Variants in STK38 observed in about 807,000 individuals in gnomAD.
STK38 encodes the protein serine/threonine kinase 38, also known as serine/threonine-protein kinase 38.
STK38 carries 26 observed loss-of-function variants against 59.0 expected under a neutral mutation model. The ratio of observed to expected loss-of-function variants is 0.44; its 90% CI spans 0.32 to 0.61. The LOEUF is 0.61. Ranked by LOEUF, STK38 falls within the 20% of genes least tolerant of loss-of-function variation. The pLI, the probability that STK38 is intolerant of heterozygous loss-of-function variation, is 0.04. For synonymous variants in STK38, 175 were observed against 176.6 expected, an observed-to-expected ratio of 0.99 and a Z score of 0.07; for missense variants, 433 against 566.0, an observed-to-expected ratio of 0.76 and a Z score of 2.38.
intron 9 of STK38, among the ~76,000 whole-genome samples, chr6:36,500,736 G>T (rs1258964059): frequency 7.1e-6 from 1 of 140,948 alleles, no homozygotes; most frequent in Non-Finnish European, 1.5e-5. Context: ...CTCCAGCCTG[G>T]CGACAGAGTG....
intron 5 of STK38, among the ~76,000 whole-genome samples, chr6:36,520,685 G>A (rs540742250): frequency 7.4e-4 from 113 of 152,206 alleles, no homozygotes; most frequent in African/African-American, 2.6e-3. Flanking sequence ...AAAGGTTGGC[G>A]TTAGCATAAA....
In STK38 at chr6:36,527,207, A is replaced by AATATATATAT. The variant is rs1554168829; in HGVS notation, c.132-1566_132-1565insATATATATAT. 6.6e-4 allele frequency among the ~76,000 whole-genome samples: 79 copies of AATATATATAT among 119,340 alleles called. 2 individuals are homozygous for AATATATATAT. In the East Asian group the frequency reaches 8.1e-3, roughly 12 times the overall value. The allele number at this position is 119,340 out of a possible 152,430, so 78.3% of individuals were successfully genotyped here. A position where few individuals can be genotyped will look rare whatever the true frequency, so the allele number is the denominator to read the frequency against. ...ACTCCGTCTCAAAAAAAAAAAAAAAAATATATGTATATATATATATATTTA... is the reference window on the plus strand; with the variant it reads ...ACTCCGTCTCAAAAAAAAAAAAAAAAATATATATATATATATGTATATATATATATATTTA... On this transcript the variant is annotated intron_variant, in intron 2 of 13. Coordinates refer to ENST00000229812, the MANE Select transcript of STK38 (RefSeq NM_007271.4).
At chr6:36,528,615 T>A (rs1006878368) in intron 2 of STK38, among the ~76,000 whole-genome samples, 2 of 152,230 alleles carry the variant, frequency 1.3e-5, no homozygotes, top group Non-Finnish European at 2.9e-5. Flanking sequence ...GAGAAAAGGC[T>A]GTACTCTTAG....
At position 36,507,507 on chromosome 6, in the gene STK38, A is replaced by G; in HGVS notation, c.765T>C (p.Ser255=). The G allele has an allele frequency of 1.9e-6, 3 of 1,613,952 alleles. No individual in the cohort carries two copies. The highest frequency in any genetic ancestry group is 2.5e-6 in the Non-Finnish European group (3 of 1,179,878). Residue 255 remains serine (S), a synonymous_variant, in exon 8 of 14, where the codon AGT becomes AGC. Coordinates refer to ENST00000229812, the MANE Select transcript of STK38 (RefSeq NM_007271.4). ...FYRNLNHSLP[S]DFTFQNMNSK... Reference sequence around the variant, plus strand: ...GTAATTGTTACCACTTACTGAAATCACTGGGGAGGCTGTGGTTCAGATTCC... The same window carrying G: ...GTAATTGTTACCACTTACTGAAATCGCTGGGGAGGCTGTGGTTCAGATTCC...
chr6:36,532,416 A>C (rs1197446332), intron 2 of STK38, among the ~76,000 whole-genome samples: 1 of 152,188 alleles, frequency 6.6e-6, no homozygotes, highest in Non-Finnish European at 1.5e-5. Context: ...TTCTAGGAAC[A>C]ATAAAGCCTG....
chr6:36,530,166 G>C (rs974472988), intron 2 of STK38, among the ~76,000 whole-genome samples: 7 of 151,804 alleles, frequency 4.6e-5, no homozygotes, highest in African/African-American at 1.7e-4. Context: ...TCTGGAACCT[G>C]GGAGGCAGAG....
chr6:36,538,379 G>T (rs574251385), intron 2 of STK38, among the ~76,000 whole-genome samples: 1 of 152,280 alleles, frequency 6.6e-6, no homozygotes, highest in South Asian at 2.1e-4. Context: ...CAAGAGGCAT[G>T]AAAACTTTTT....
chr6:36,507,027 A>G (rs1776979425), intron 8 of STK38, among the ~76,000 whole-genome samples: 1 of 152,248 alleles, frequency 6.6e-6, no homozygotes, highest in Non-Finnish European at 1.5e-5. Flanking sequence ...TTATATGATC[A>G]GGGACATCTG....
chr6:36,533,456 T>A (rs943053525), intron 2 of STK38, among the ~76,000 whole-genome samples: 1 of 152,248 alleles, frequency 6.6e-6, no homozygotes, highest in Non-Finnish European at 1.5e-5. Flanking sequence ...GCTGTATTTT[T>A]AAAATTTTGT....
At chr6:36,543,321 T>A (rs1582472608) in intron 1 of STK38, among the ~76,000 whole-genome samples, 1 of 152,116 alleles carries the variant, frequency 6.6e-6, no homozygotes. Flanking sequence ...CATCTCAGCC[T>A]CCCAAAGTGC....
intron 1 of STK38, among the ~76,000 whole-genome samples, chr6:36,540,551 G>T (rs1777909837): frequency 6.6e-6 from 1 of 152,184 alleles, no homozygotes; most frequent in African/African-American, 2.4e-5. Context: ...AAGAGCTGTG[G>T]CTGCATAGGA....
In STK38 at chr6:36,494,723, A is replaced by G. The variant is rs2127463806; in HGVS notation, c.*1061T>C. ...GAAATACCAAGAGAGAAGACAAAAC[A>G]TGGCTGTGCCAAGGACTGAGGAGTG... On this transcript the variant is annotated 3_prime_UTR_variant, in exon 14 of 14. Coordinates refer to ENST00000229812, the MANE Select transcript of STK38 (RefSeq NM_007271.4). 2 of 152,766 alleles carry G rather than the reference A, an allele frequency of 1.3e-5. No individual in the cohort carries two copies. Among genetic ancestry groups the G allele is most frequent in the Middle Eastern group, 3.4e-3 (1 of 294 alleles). 9.5% of individuals were successfully genotyped at this position (152,766 alleles called of 1,614,324 possible). A position where few individuals can be genotyped will look rare whatever the true frequency, so the allele number is the denominator to read the frequency against.
At chr6:36,505,925 C>T (rs1776951620) in intron 9 of STK38, among the ~76,000 whole-genome samples, 2 of 152,062 alleles carry the variant, frequency 1.3e-5, no homozygotes, top group Admixed American at 1.3e-4. Flanking sequence ...CAGCTATTGG[C>T]AAAAAATAAA....
chr6:36,517,800 G>A lies in STK38; in HGVS notation c.431C>T (p.Ala144Val). The A allele has an allele frequency of 1.2e-6, 2 of 1,614,138 alleles. No homozygotes were observed. The highest frequency in any genetic ancestry group is 8.5e-7 in the Non-Finnish European group (1 of 1,179,982). Residue 144 changes from alanine (A) to valine (V), a missense_variant, in exon 6 of 14, where the codon GCA becomes GTA. Coordinates refer to ENST00000229812, the MANE Select transcript of STK38 (RefSeq NM_007271.4). ...CATTTTCACAACCCACAAACTGTCT[G>A]CCTCCACTAGAATGTCACGCTCCGC... ...IRAERDILVE[A>V]DSLWVVKMFY...
chr6:36,494,624 C>T lies in STK38; in HGVS notation c.*1160G>A, dbSNP rs764543103. On this transcript the variant is annotated 3_prime_UTR_variant, in exon 14 of 14. Coordinates refer to ENST00000229812, the MANE Select transcript of STK38 (RefSeq NM_007271.4). ...ACCCTTTAGGGTGGGGAGGAGTATCCCCCAGGAAGGCATCTGCAAAGGAAA... is the reference window on the plus strand; with the variant it reads ...ACCCTTTAGGGTGGGGAGGAGTATCTCCCAGGAAGGCATCTGCAAAGGAAA... The T allele has an allele frequency of 6.6e-6, 1 of 152,560 alleles. No homozygotes were observed. The highest frequency in any genetic ancestry group is 1.5e-5 in the Non-Finnish European group (1 of 68,036). The allele number at this position is 152,560 out of a possible 1,614,324, so 9.5% of individuals were successfully genotyped here. A position where few individuals can be genotyped will look rare whatever the true frequency, so the allele number is the denominator to read the frequency against.
chr6:36,510,490 A>C (rs187575261), intron 7 of STK38, among the ~76,000 whole-genome samples: 17 of 152,278 alleles, frequency 1.1e-4, no homozygotes, highest in Non-Finnish European at 1.8e-4. Flanking sequence ...GGCAACTGCA[A>C]CTGTGCCTGG....
intron 2 of STK38, among the ~76,000 whole-genome samples, chr6:36,536,542 A>T (rs1175433070): frequency 1.3e-5 from 2 of 151,640 alleles, no homozygotes; most frequent in African/African-American, 2.4e-5. Flanking sequence ...TTTTAATTTT[A>T]TTTTTTTTGA....
In STK38 at chr6:36,517,570, T is replaced by C. The variant is rs1777285932; in HGVS notation, c.514+147A>G. The C allele has an allele frequency of 4.2e-6, 4 of 959,286 alleles. No individual in the cohort carries two copies. The South Asian group carries it at 8.0e-5, about 19-fold the overall frequency. 59.4% of individuals were successfully genotyped at this position (959,286 alleles called of 1,614,324 possible). ...AAAGGCACCCCAGCACAAGACAGGT[T>C]ACTGACTTCCTTTATAGACCTAAAA... On this transcript the variant is annotated intron_variant, in intron 6 of 13. Transcript: ENST00000229812.
intron 2 of STK38, among the ~76,000 whole-genome samples, chr6:36,527,205 A>G (rs1241518768): frequency 8.9e-6 from 1 of 112,766 alleles, no homozygotes. Context: ...AAAAAAAAAA[A>G]AAATATATGT....
Sources: gnomAD v4.1 joint callset for allele counts (sites outside exome capture counted in the v4.1 genomes callset) on GRCh38, gnomAD v4.1.1 for gene constraint, MANE v1.5 for transcripts, NCBI Gene and HGNC (gene_info 2026-07-23, HGNC 2026-07-21) for gene names.